Variants in CMSS1 observed in about 807,000 individuals in gnomAD.
CMSS1 encodes cms1 ribosomal small subunit homolog, also known as protein CMSS1.
CMSS1 carries 33 observed loss-of-function variants against 43.5 expected under a neutral mutation model. That is an observed-to-expected ratio of 0.76 (90% CI 0.57 to 1.01). CMSS1 has a LOEUF of 1.01. Ranked by LOEUF, CMSS1 falls within the 50% of genes least tolerant of loss-of-function variation. The probability of loss-of-function intolerance (pLI) is 0.00; values close to 1 mark genes in which losing one functional copy is unlikely to be tolerated. For synonymous variants in CMSS1, 115 were observed against 117.2 expected, an observed-to-expected ratio of 0.98 and a Z score of 0.12; for missense variants, 313 against 326.4, an observed-to-expected ratio of 0.96 and a Z score of 0.32.
chr3:99,871,155 TAGTTA>T (rs1944766679), intron 1 of CMSS1, among the ~76,000 whole-genome samples: 1 of 152,230 alleles, frequency 6.6e-6, no homozygotes, highest in Non-Finnish European at 1.5e-5. Flanking sequence ...ACTTGGTTTC[TAGTTA>T]AGTTCACTGC....
chr3:100,130,952 CAGTGTTCCAGA>C (rs1462313642), intron 1 of CMSS1, among the ~76,000 whole-genome samples: 1 of 152,130 alleles, frequency 6.6e-6, no homozygotes, highest in African/African-American at 2.4e-5. Flanking sequence ...AACCAAATCA[CAGTGTTCCAGA>C]AGACAAAGGA....
At chr3:100,141,159 A>G (rs1031443165) in intron 1 of CMSS1, among the ~76,000 whole-genome samples, 19 of 144,254 alleles carry the variant, frequency 1.3e-4, no homozygotes, top group Admixed American at 4.1e-4. Flanking sequence ...CTCTAGGCAC[A>G]TCTGTGTCAT....
chr3:99,892,866 C>T (rs1706129195), intron 1 of CMSS1, among the ~76,000 whole-genome samples: 1 of 152,196 alleles, frequency 6.6e-6, no homozygotes, highest in Non-Finnish European at 1.5e-5. Context: ...ATCATGTGGG[C>T]TTAATGGATT....
At position 100,013,426 on chromosome 3, in the gene CMSS1, T is replaced by A. The variant is rs372559629; in HGVS notation, c.65-133547T>A. Among the ~76,000 whole-genome samples, 7 of 150,286 alleles carry A rather than the reference T, an allele frequency of 4.7e-5. No homozygotes were observed. The East Asian group carries it at 8.1e-4, about 17-fold the overall frequency. On this transcript the variant is annotated intron_variant, in intron 1 of 9. Coordinates refer to ENST00000421999, the MANE Select transcript of CMSS1 (RefSeq NM_032359.4). ...GCCCAGCTAATTTTTATATTTTTAG[T>A]AGAGACCGGGTTTCCCCATGTTGGC...
intron 1 of CMSS1, among the ~76,000 whole-genome samples, chr3:99,974,436 G>T (rs542990506): frequency 6.6e-6 from 1 of 152,170 alleles, no homozygotes; most frequent in African/African-American, 2.4e-5. Flanking sequence ...TGGGCTGGGC[G>T]CAGTGGCTCA....
chr3:100,065,170 G>A (rs1181228686), intron 1 of CMSS1, among the ~76,000 whole-genome samples: 5 of 152,130 alleles, frequency 3.3e-5, no homozygotes, highest in East Asian at 3.9e-4. Context: ...GTAACAATGC[G>A]GGTTCCCAGG....
At chr3:100,173,459 C>T (rs1452121003) in intron 8 of CMSS1, among the ~76,000 whole-genome samples, 12 of 152,286 alleles carry the variant, frequency 7.9e-5, no homozygotes, top group South Asian at 6.2e-4. Flanking sequence ...TCTAGGCTCT[C>T]CTGGTTCTAG....
At chr3:100,087,893 A>G (rs566266690) in intron 1 of CMSS1, among the ~76,000 whole-genome samples, 37 of 148,584 alleles carry the variant, frequency 2.5e-4, no homozygotes, top group African/African-American at 9.0e-4. Context: ...TGCAGTGGCA[A>G]GATCTCGACT....
chr3:100,091,068 G>A (rs750117567), intron 1 of CMSS1, among the ~76,000 whole-genome samples: 30 of 152,170 alleles, frequency 2.0e-4, no homozygotes, highest in African/African-American at 5.3e-4. Context: ...GGCGGATCAC[G>A]AGATCAGGAG....
At chr3:100,106,383 C>T (rs1000252961) in intron 1 of CMSS1, among the ~76,000 whole-genome samples, 3 of 152,112 alleles carry the variant, frequency 2.0e-5, no homozygotes. Flanking sequence ...AAGGACCCTC[C>T]CATCTAGCCA....
chr3:100,076,263 A>G (rs2065849134), intron 1 of CMSS1, among the ~76,000 whole-genome samples: 1 of 152,112 alleles, frequency 6.6e-6, no homozygotes, highest in Non-Finnish European at 1.5e-5. Context: ...TCATATGCTT[A>G]TCTCTGTAAA....
chr3:100,172,084 G>A (rs910299158), intron 7 of CMSS1, 185 bp downstream of exon 7: 23 of 634,038 alleles, frequency 3.6e-5, no homozygotes, highest in Middle Eastern at 2.6e-4. Flanking sequence ...TATGGCAGTC[G>A]CTACTGCCAT....
At chr3:99,887,195 A>C (rs1452961783) in intron 1 of CMSS1, among the ~76,000 whole-genome samples, 1 of 151,932 alleles carries the variant, frequency 6.6e-6, no homozygotes, top group Admixed American at 6.6e-5. Context: ...TGAACCCAGG[A>C]GGAGGAGGTC....
intron 2 of CMSS1, among the ~76,000 whole-genome samples, chr3:100,151,540 C>T (rs2066908570): frequency 6.6e-6 from 1 of 152,144 alleles, no homozygotes; most frequent in African/African-American, 2.4e-5. Context: ...CCGAGTGATC[C>T]AAGAGGGAAC....
At chr3:100,082,292 C>T (rs1174903661) in intron 1 of CMSS1, among the ~76,000 whole-genome samples, 4 of 152,088 alleles carry the variant, frequency 2.6e-5, no homozygotes, top group South Asian at 2.1e-4. Context: ...AAAGTAAATA[C>T]TACTTATTAC....
At chr3:100,104,487 T>C (rs1222339020) in intron 1 of CMSS1, among the ~76,000 whole-genome samples, 1 of 152,188 alleles carries the variant, frequency 6.6e-6, no homozygotes, top group Non-Finnish European at 1.5e-5. Context: ...TAAATAAAAC[T>C]GTTAGCAGTT....
chr3:99,961,930 T>G (rs958338440), intron 1 of CMSS1, among the ~76,000 whole-genome samples: 1 of 152,136 alleles, frequency 6.6e-6, no homozygotes, highest in Non-Finnish European at 1.5e-5. Context: ...AGTCTGTGAT[T>G]CCTGCCCTTC....
chr3:99,936,502 A>C (rs1359191123), intron 1 of CMSS1, among the ~76,000 whole-genome samples: 8 of 141,400 alleles, frequency 5.7e-5, no homozygotes, highest in Non-Finnish European at 1.2e-4. Context: ...CAGCCTCCCA[A>C]GTAGCTGGGA....
chr3:99,874,984 C>G (rs768565210), intron 1 of CMSS1, among the ~76,000 whole-genome samples: 1 of 152,130 alleles, frequency 6.6e-6, no homozygotes, highest in Non-Finnish European at 1.5e-5. Flanking sequence ...CCTATGAATT[C>G]TGAGTTTGAA....
Sources: gnomAD v4.1 joint callset for allele counts (sites outside exome capture counted in the v4.1 genomes callset) on GRCh38, gnomAD v4.1.1 for gene constraint, MANE v1.5 for transcripts, NCBI Gene and HGNC (gene_info 2026-07-23, HGNC 2026-07-21) for gene names.